MGP: variants seen among roughly 807,000 people sequenced by gnomAD.
MGP encodes cell growth-inhibiting gene 36 protein.
Under a neutral mutation model 14.5 loss-of-function variants are expected in MGP, and 13 were observed. The observed-to-expected ratio is 0.89, with a 90% CI of 0.58 to 1.42. The LOEUF (loss-of-function observed/expected upper bound fraction) is 1.42, where lower values mean the gene tolerates loss of function less well. MGP is among the 40% of genes most tolerant of loss of function. MGP has a pLI of 0.00. For synonymous variants in MGP, 44 were observed against 46.3 expected (o/e 0.95, Z 0.20); for missense variants, 128 against 133.7 (o/e 0.96, Z 0.21).
chr12:14,882,152 C>T lies in MGP; in HGVS notation c.299G>A (p.Arg100Gln), dbSNP rs145254250. 365 of 1,614,010 alleles carry T rather than the reference C, an allele frequency of 2.3e-4. No homozygotes were observed. The African/African-American group carries it at 4.4e-3, about 19-fold the overall frequency. The change falls in exon 4 of 4, where the codon CGA becomes CAA. Residue 100 changes from arginine (R) to glutamine (Q), a missense_variant. By Grantham distance (43) the Arg-to-Gln change is conservative. Coordinates refer to ENST00000539261, the MANE Select transcript of MGP (RefSeq NM_000900.5). Reference sequence around the variant, plus strand: ...CTTCCCTCAGTCTCATTTGGTCCCTCGGCGCTTCCTGAAGTAGCGATTATA... The same window carrying T: ...CTTCCCTCAGTCTCATTTGGTCCCTTGGCGCTTCCTGAAGTAGCGATTATA... ...AAYNRYFRKR[R>Q]GTK
chr12:14,884,760 A>G, intron 1 of MGP: 1 of 1,484,954 alleles, frequency 6.7e-7, no homozygotes, highest in Non-Finnish European at 9.0e-7. Context: ...CCTCTTAAGA[A>G]CCTGTGTTAA....
intron 2 of MGP, 96 bp downstream of exon 2, chr12:14,884,117 C>G: frequency 1.0e-6 from 1 of 1,004,920 alleles, no homozygotes; most frequent in South Asian, 1.7e-5. Flanking sequence ...CCCCTTTTCC[C>G]TCCCTGTTAT....
In MGP at chr12:14,881,973, T is replaced by C; in HGVS notation, c.*166A>G. ...GACCCTCACTGCAGTGCACTTTCAT[T>C]ACTTATCAATCTGGGGGCGGGAAAA... On this transcript the variant is annotated 3_prime_UTR_variant, in exon 4 of 4. Coordinates refer to ENST00000539261, the MANE Select transcript of MGP (RefSeq NM_000900.5). 2 of 804,914 alleles carry C rather than the reference T, an allele frequency of 2.5e-6. No homozygotes were observed. The highest frequency in any genetic ancestry group is 4.3e-5 in the Admixed American group (2 of 46,950). The allele number at this position is 804,914 out of a possible 1,614,324, so 49.9% of individuals were successfully genotyped here. A position where few individuals can be genotyped will look rare whatever the true frequency, so the allele number is the denominator to read the frequency against.
chr12:14,882,445 TC>T (rs977062677), intron 3 of MGP, among the ~76,000 whole-genome samples, 165 bp from the exon 4 acceptor site: 26 of 152,266 alleles, frequency 1.7e-4, no homozygotes, highest in African/African-American at 6.3e-4. Context: ...AGGCCTGTAA[TC>T]CCAGCACTTT....
chr12:14,883,006 G>A lies in MGP; in HGVS notation c.136C>T (p.Pro46Ser), dbSNP rs910721901. 1.9e-6 allele frequency: 3 copies of A among 1,612,882 alleles called. No homozygotes were observed. Among genetic ancestry groups the A allele is most frequent in the Non-Finnish European group, 2.5e-6 (3 of 1,179,032 alleles). ...ACTTTAGCTCTCCATCTCTGCTGAG[G>A]GGATATGAAGGTATTTGCATTTCTC... ...NRRNANTFIS[P>S]QQRWRAKVQE... The change falls in exon 3 of 4, where the codon CCT becomes TCT. Residue 46 changes from proline to serine, a missense_variant. Coordinates refer to ENST00000539261, the MANE Select transcript of MGP (RefSeq NM_000900.5).
chr12:14,885,624 A>G, intron 1 of MGP, 107 bp downstream of exon 1: 2 of 819,558 alleles, frequency 2.4e-6, no homozygotes, highest in Non-Finnish European at 2.1e-6. Context: ...CTTTAAGATT[A>G]TAACAGAGAA....
At chr12:14,882,925 T>A in intron 3 of MGP, 47 bp downstream of exon 3, 1 of 1,265,458 alleles carries the variant, frequency 7.9e-7, no homozygotes, top group Middle Eastern at 1.8e-4. Flanking sequence ...AGATCTGTGA[T>A]CTACACTGGG....
chr12:14,884,001 G>A, intron 2 of MGP: 1 of 402,998 alleles, frequency 2.5e-6, no homozygotes, highest in East Asian at 4.3e-5. Flanking sequence ...TATGTCGCCT[G>A]TAGCTTAAAT....
intron 2 of MGP, chr12:14,883,888 C>A (rs1458135733): frequency 1.4e-5 from 3 of 220,302 alleles, no homozygotes; most frequent in Admixed American, 5.2e-5. Flanking sequence ...GACTTGGCGT[C>A]CAGCTCTGTG....
At position 14,882,203 on chromosome 12, in the gene MGP, G is replaced by A; in HGVS notation, c.248C>T (p.Ala83Val). 1 of 1,614,038 alleles carries A rather than the reference G, an allele frequency of 6.2e-7. No homozygotes were observed. The highest frequency in any genetic ancestry group is 1.1e-5 in the South Asian group (1 of 91,082). Residue 83 changes from alanine (A) to valine (V), a missense_variant, in exon 4 of 4, where the codon GCC becomes GTC. By Grantham distance (64) the Ala-to-Val change is moderately conservative (BLOSUM62 0). Transcript: ENST00000539261. ...CDDYRLCERY[A>V]MVYGYNAAYN... ...GGCAGCATTGTATCCATAAACCATG[G>A]CGTAGCGTTCGCAAAGTCTGTAGTC...
At chr12:14,883,945 G>A (rs1056822394) in intron 2 of MGP, 2 of 322,356 alleles carry the variant, frequency 6.2e-6, no homozygotes, top group Non-Finnish European at 5.9e-6. Context: ...TGCAGTTGAC[G>A]TGGTGCCAAT....
In MGP at chr12:14,882,008, G is replaced by T; in HGVS notation, c.*131C>A. 6 of 1,216,842 alleles carry T rather than the reference G, an allele frequency of 4.9e-6. No individual in the cohort carries two copies. Among genetic ancestry groups the T allele is most frequent in the Non-Finnish European group, 7.2e-6 (6 of 839,010 alleles). The allele number at this position is 1,216,842 out of a possible 1,614,324, so 75.4% of individuals were successfully genotyped here. ...TCTGGGGGCGGGAAAAAGGGGTGCA[G>T]CCAGACAAGAGAATATACAGGAAAG... On this transcript the variant is annotated 3_prime_UTR_variant, in exon 4 of 4. Coordinates refer to ENST00000539261, the MANE Select transcript of MGP (RefSeq NM_000900.5).
At position 14,881,852 on chromosome 12, in the gene MGP, T is replaced by A. The variant is rs1422685460; in HGVS notation, c.*287A>T. Reference sequence around the variant, plus strand: ...TGGGTAAGGTGGGCCATGATTTAAATATCTCAATATCTTCCCAAAAGAAAG... The same window carrying A: ...TGGGTAAGGTGGGCCATGATTTAAAAATCTCAATATCTTCCCAAAAGAAAG... On this transcript the variant is annotated 3_prime_UTR_variant, in exon 4 of 4. Coordinates refer to ENST00000539261, the MANE Select transcript of MGP (RefSeq NM_000900.5). 2.5e-6 allele frequency: 1 copy of A among 398,088 alleles called. No individual in the cohort carries two copies. Among genetic ancestry groups the A allele is most frequent in the Non-Finnish European group, 4.7e-6 (1 of 213,060 alleles). The allele number at this position is 398,088 out of a possible 1,614,324, so 24.7% of individuals were successfully genotyped here.
At chr12:14,883,380 A>G in intron 2 of MGP, 6 of 350,700 alleles carry the variant, frequency 1.7e-5, no homozygotes, top group South Asian at 9.9e-5. Flanking sequence ...CTGAGGATTT[A>G]TGAAGCATAA....
At chr12:14,883,483 C>T in intron 2 of MGP, 1 of 212,742 alleles carries the variant, frequency 4.7e-6, no homozygotes, top group Non-Finnish European at 9.6e-6. Context: ...TATGCTCAGT[C>T]TTTATAAATC....
chr12:14,883,373 A>G lies in MGP; in HGVS notation c.95-326T>C, dbSNP rs764667574. On this transcript the variant is annotated intron_variant, in intron 2 of 3. Coordinates refer to ENST00000539261, the MANE Select transcript of MGP (RefSeq NM_000900.5). ...TTTTGAGGAGAAATTCTCTGTCCTGAGGATTTATGAAGCATAACTAGATTG... is the reference window on the plus strand; with the variant it reads ...TTTTGAGGAGAAATTCTCTGTCCTGGGGATTTATGAAGCATAACTAGATTG... 2.3e-4 allele frequency: 82 copies of G among 355,876 alleles called. 1 individual carries two copies. The highest frequency in any genetic ancestry group is 9.1e-4 in the Middle Eastern group (1 of 1,100). 22.0% of individuals were successfully genotyped at this position (355,876 alleles called of 1,614,324 possible). A position where few individuals can be genotyped will look rare whatever the true frequency, so the allele number is the denominator to read the frequency against.
rs117042350 is a variant in MGP at position 14,883,201 on chromosome 12, G to C, written c.95-154C>G. ...AAAAATTAAAGGAGAGTATAAAGTA[G>C]ATTTCATTAACTTCCTGATCAAATG... On this transcript the variant is annotated intron_variant, in intron 2 of 3. Transcript: ENST00000539261. 952 of 654,894 alleles carry C rather than the reference G, an allele frequency of 1.5e-3. 6 individuals carry two copies. Among genetic ancestry groups the C allele is most frequent in the Admixed American group, 6.3e-3 (289 of 45,600 alleles). 40.6% of individuals were successfully genotyped at this position (654,894 alleles called of 1,614,324 possible).
chr12:14,883,997 G>T, intron 2 of MGP: 2 of 381,882 alleles, frequency 5.2e-6, no homozygotes, highest in Non-Finnish European at 5.0e-6. Flanking sequence ...TAAATATGTC[G>T]CCTGTAGCTT....
Position 14,882,253 on chromosome 12 carries a change from G to A in MGP, c.198C>T (p.His66=), listed in dbSNP as rs151158281. 1.1e-4 allele frequency: 181 copies of A among 1,614,078 alleles called. No individual in the cohort carries two copies. In the Middle Eastern group the frequency reaches 1.5e-3, roughly 13 times the overall value. ...ERIRERSKPV[H]ELNREACDDY... ...CATCACAGGCTTCCCTATTGAGCTC[G>A]TGGACAGGCTTAGAGCGTTCTCGGA... The change falls in exon 4 of 4, where the codon CAC becomes CAT. Residue 66 remains histidine (H), a synonymous_variant. Transcript: ENST00000539261.
Sources: allele counts gnomAD v4.1 joint callset (sites outside exome capture counted in the v4.1 genomes callset), GRCh38; gene constraint gnomAD v4.1.1; transcripts MANE v1.5; gene names NCBI Gene and HGNC (gene_info 2026-07-23, HGNC 2026-07-21).